The following TRPM3 variants were observed in gnomAD, a reference collection of about 807,000 sequenced individuals.
TRPM3 encodes the protein long transient receptor potential channel 3.
TRPM3 carries 77 observed loss-of-function variants against 181.2 expected under a neutral mutation model. The observed-to-expected ratio is 0.42, with a 90% CI of 0.35 to 0.51. TRPM3 has a LOEUF of 0.51. Ranked by LOEUF, TRPM3 falls within the 20% of genes least tolerant of loss-of-function variation. TRPM3 has a pLI of 0.01. For missense variants in TRPM3, 1,759 were observed against 2,196.7 expected (o/e 0.80, Z 3.98); for synonymous variants, 745 against 796.4 (o/e 0.94, Z 1.09).
chr9:70,872,789 A>G (rs1328850117), intron 1 of TRPM3, among the ~76,000 whole-genome samples: 1 of 151,962 alleles, frequency 6.6e-6, no homozygotes, highest in Non-Finnish European at 1.5e-5. Context: ...ACTGTGGCAC[A>G]TGGTTAGCAC....
Position 70,997,836 on chromosome 9 carries a change from C to T in TRPM3, c.177+123342G>A, listed in dbSNP as rs554057427. 8.5e-5 allele frequency among the ~76,000 whole-genome samples: 13 copies of T among 152,136 alleles called. No individual in the cohort carries two copies. In the East Asian group the frequency reaches 2.5e-3, roughly 29 times the overall value. ...TGTTTGGGAGGGTGAACTGTTGTATCCTTCCTGATCTTCTTGTGTGCCTAC... is the reference window on the plus strand; with the variant it reads ...TGTTTGGGAGGGTGAACTGTTGTATTCTTCCTGATCTTCTTGTGTGCCTAC... On this transcript the variant is annotated intron_variant, in intron 1 of 25. Transcript: ENST00000677713.
At chr9:71,173,114 T>C (rs1046123452) in intron 1 of TRPM3, among the ~76,000 whole-genome samples, 1 of 152,206 alleles carries the variant, frequency 6.6e-6, no homozygotes, top group Non-Finnish European at 1.5e-5. Flanking sequence ...TGTACCTAAT[T>C]TTTTGTTTTC....
intron 1 of TRPM3, among the ~76,000 whole-genome samples, chr9:71,115,500 A>G (rs2072155534): frequency 6.6e-6 from 1 of 152,206 alleles, no homozygotes; most frequent in Non-Finnish European, 1.5e-5. Flanking sequence ...AAAGGGAGAA[A>G]AAATATGATC....
Position 70,999,508 on chromosome 9 carries a change from T to C in TRPM3, c.177+121670A>G, listed in dbSNP as rs575187349. On this transcript the variant is annotated intron_variant, in intron 1 of 25. Transcript: ENST00000677713. The stretch of plus-strand genomic sequence containing the variant: ...TCATGTTTTATGGAATACAGAAGGG[T>C]AAAGAGTTCAGTAGATACCATCATA... Among the ~76,000 whole-genome samples, 3 of 152,200 alleles carry C rather than the reference T, an allele frequency of 2.0e-5. No individual in the cohort carries two copies. The East Asian group carries it at 5.8e-4, about 29-fold the overall frequency.
intron 1 of TRPM3, among the ~76,000 whole-genome samples, chr9:71,316,867 G>GA (rs1017356334): frequency 2.0e-5 from 3 of 151,912 alleles, no homozygotes; most frequent in Non-Finnish European, 4.4e-5. Flanking sequence ...TCATCGTAAA[G>GA]AAAAAAAATC....
intron 1 of TRPM3, among the ~76,000 whole-genome samples, chr9:71,181,264 C>A (rs574333942): frequency 6.0e-4 from 91 of 152,134 alleles, no homozygotes; most frequent in Middle Eastern, 3.4e-3. Context: ...CTCACTACAA[C>A]TTTGAGCCCT....
chr9:70,973,372 A>G (rs566185985), intron 1 of TRPM3, among the ~76,000 whole-genome samples: 1 of 152,334 alleles, frequency 6.6e-6, no homozygotes, highest in East Asian at 1.9e-4. Flanking sequence ...ATGTAAGTAT[A>G]TTAATTCTTA....
chr9:71,086,662 C>T (rs935497064), intron 1 of TRPM3, among the ~76,000 whole-genome samples: 14 of 152,090 alleles, frequency 9.2e-5, no homozygotes, highest in African/African-American at 3.4e-4. Context: ...GCAGTGCAAA[C>T]TTTCTATGCA....
At position 71,446,714 on chromosome 9, in the gene TRPM3, T is replaced by C. The variant is rs771509668; in HGVS notation, c.122A>G (p.Lys41Arg). The C allele has an allele frequency of 2.6e-5, 40 of 1,550,460 alleles. No individual in the cohort carries two copies. In the South Asian group the frequency reaches 3.2e-4, roughly 12 times the overall value. The change falls in exon 1 of 25, where the codon AAA becomes AGA. Residue 41 changes from lysine to arginine, a missense_variant. Coordinates refer to the TRPM3 transcript ENST00000357533. Reference sequence around the variant, plus strand: ...GGACCCCTGCTTGGAACTTAACCTTTTCCACGACTCGGCAAACCTGCCCCG... The same window carrying C: ...GGACCCCTGCTTGGAACTTAACCTTCTCCACGACTCGGCAAACCTGCCCCG...
At chr9:71,400,224 G>C (rs1323080348) in intron 1 of TRPM3, among the ~76,000 whole-genome samples, 3 of 152,108 alleles carry the variant, frequency 2.0e-5, no homozygotes, top group Non-Finnish European at 4.4e-5. Flanking sequence ...GTCTCCTAAA[G>C]GGCTTAGATT....
intron 7 of TRPM3, among the ~76,000 whole-genome samples, chr9:70,777,193 G>A (rs776261241): frequency 1.2e-4 from 19 of 152,230 alleles, no homozygotes; most frequent in Non-Finnish European, 2.5e-4. Flanking sequence ...CTATCATAAA[G>A]AATTATGCAA....
At chr9:70,760,667 T>C (rs2077963898) in intron 8 of TRPM3, 1 of 59,330 alleles carries the variant, frequency 1.7e-5, no homozygotes, top group Non-Finnish European at 5.3e-5. Flanking sequence ...AATCAATTCC[T>C]TTTTTTTTTT....
chr9:71,280,342 AG>A (rs1400034635), intron 1 of TRPM3, among the ~76,000 whole-genome samples: 1 of 152,172 alleles, frequency 6.6e-6, no homozygotes, highest in East Asian at 1.9e-4. Flanking sequence ...TTGTTTAAAC[AG>A]AATGTTTGTG....
At chr9:71,437,107 CTAT>C (rs1432399654) in intron 1 of TRPM3, among the ~76,000 whole-genome samples, 1 of 152,176 alleles carries the variant, frequency 6.6e-6, no homozygotes, top group Non-Finnish European at 1.5e-5. Flanking sequence ...CACACAGCTC[CTAT>C]TATTATTAGC....
chr9:70,970,282 T>C (rs1324143385), intron 1 of TRPM3, among the ~76,000 whole-genome samples: 1 of 152,178 alleles, frequency 6.6e-6, no homozygotes, highest in African/African-American at 2.4e-5. Flanking sequence ...TTAGGGTCAT[T>C]CTGACAAGGA....
intron 1 of TRPM3, among the ~76,000 whole-genome samples, chr9:71,111,164 G>A (rs2070991832): frequency 6.6e-6 from 1 of 152,140 alleles, no homozygotes; most frequent in African/African-American, 2.4e-5. Flanking sequence ...ACAATAAGAT[G>A]AGAAAATGAT....
intron 25 of TRPM3, among the ~76,000 whole-genome samples, 187 bp downstream of exon 25, chr9:70,549,355 G>C (rs1329523153): frequency 2.0e-5 from 3 of 152,224 alleles, no homozygotes; most frequent in African/African-American, 7.2e-5. Context: ...TCTAGGATCT[G>C]TAAGTCTGGG....
chr9:71,246,721 G>A (rs1335403615), intron 1 of TRPM3, among the ~76,000 whole-genome samples: 1 of 152,140 alleles, frequency 6.6e-6, no homozygotes. Flanking sequence ...TCTCAAAATT[G>A]TCCTCTGTAA....
rs944759288 is a variant in TRPM3, at chr9:71,016,248, GTGTGTGTGTGTATC to G, written c.177+104916_177+104929del. Among the ~76,000 whole-genome samples, 48 of 94,566 alleles carry G rather than the reference GTGTGTGTGTGTATC, an allele frequency of 5.1e-4. 1 individual carries two copies. Among genetic ancestry groups the G allele is most frequent in the East Asian group, 2.1e-3 (7 of 3,312 alleles). The allele number at this position is 94,566 out of a possible 152,430, so 62.0% of individuals were successfully genotyped here. The stretch of plus-strand genomic sequence containing the variant: ...TTATACATGTGTGGTGTGTGTGTGT[GTGTGTGTGTGTATC>G]TGTGTGTGTATAATGTAATGTTTTC... On this transcript the variant is annotated intron_variant, in intron 1 of 25. Coordinates refer to ENST00000677713, the MANE Select transcript of TRPM3 (RefSeq NM_001366145.2).
Sources: gnomAD v4.1 joint callset for allele counts (sites outside exome capture counted in the v4.1 genomes callset) on GRCh38, gnomAD v4.1.1 for gene constraint, MANE v1.5 for transcripts, NCBI Gene and HGNC (gene_info 2026-07-23, HGNC 2026-07-21) for gene names.